CDH12: variants seen among roughly 807,000 people sequenced by gnomAD.
CDH12 encodes the protein cadherin 12, also known as cadherin-12.
Under a neutral mutation model 74.1 loss-of-function variants are expected in CDH12, and 41 were observed. That is an observed-to-expected ratio of 0.55 (90% CI 0.43 to 0.72). The LOEUF (loss-of-function observed/expected upper bound fraction) is 0.72. CDH12 is among the 30% of genes least tolerant of loss of function. The pLI is 0.00. For synonymous variants in CDH12, 399 were observed against 355.0 expected (o/e 1.12, Z -1.39); for missense variants, 945 against 977.2 (o/e 0.97, Z 0.44).
intron 11 of CDH12, among the ~76,000 whole-genome samples, chr5:21,773,612 T>C (rs193248628): frequency 2.6e-5 from 4 of 152,302 alleles, no homozygotes; most frequent in Non-Finnish European, 2.9e-5. Flanking sequence ...GTGTTGAGAC[T>C]TGCACTGGCT....
chr5:22,668,891 CTCTT>C (rs1302823188), intron 1 of CDH12, among the ~76,000 whole-genome samples: 5 of 151,996 alleles, frequency 3.3e-5, no homozygotes, highest in Admixed American at 2.0e-4. Context: ...CAACTCCTCT[CTCTT>C]TATCTCTCTT....
At chr5:22,361,719 T>C (rs1399906378) in intron 3 of CDH12, among the ~76,000 whole-genome samples, 2 of 152,126 alleles carry the variant, frequency 1.3e-5, no homozygotes, top group Non-Finnish European at 2.9e-5. Context: ...ATGGTACTGG[T>C]ATGAAAACAG....
intron 6 of CDH12, among the ~76,000 whole-genome samples, chr5:21,970,926 A>G (rs1399317439): frequency 6.6e-6 from 1 of 150,662 alleles, no homozygotes; most frequent in Admixed American, 6.6e-5. Flanking sequence ...CTCCACCAAA[A>G]ATTTCATCTT....
At chr5:22,494,234 G>T (rs1747009644) in intron 2 of CDH12, among the ~76,000 whole-genome samples, 1 of 152,162 alleles carries the variant, frequency 6.6e-6, no homozygotes, top group African/African-American at 2.4e-5. Flanking sequence ...GATTGGCGTG[G>T]GTTTTCCCCA....
At chr5:22,011,788 T>A (rs1737310416) in intron 5 of CDH12, among the ~76,000 whole-genome samples, 1 of 152,188 alleles carries the variant, frequency 6.6e-6, no homozygotes, top group Admixed American at 6.5e-5. Flanking sequence ...CAAAAAAGAT[T>A]AATATTCTAT....
chr5:22,123,164 T>C (rs1041229457), intron 4 of CDH12, among the ~76,000 whole-genome samples: 1 of 152,138 alleles, frequency 6.6e-6, no homozygotes, highest in Non-Finnish European at 1.5e-5. Context: ...TATAGGTCAA[T>C]GAATAGGATA....
intron 2 of CDH12, among the ~76,000 whole-genome samples, chr5:22,495,690 C>CA (rs1268793425): frequency 2.0e-5 from 3 of 151,954 alleles, no homozygotes; most frequent in Non-Finnish European, 4.4e-5. Context: ...ATTCACAGCG[C>CA]AAAAAACAAA....
Position 21,966,376 on chromosome 5 carries a change from G to A in CDH12, c.526+8715C>T, listed in dbSNP as rs367830033. 4.0e-5 allele frequency among the ~76,000 whole-genome samples: 6 copies of A among 151,824 alleles called. No individual in the cohort carries two copies. The East Asian group carries it at 7.8e-4, about 20-fold the overall frequency. ...TCTCTGTTGCCAGCTCTTCCATTGT[G>A]GTGTGAAAGCAGCCATAGACAACAC... On this transcript the variant is annotated intron_variant, in intron 6 of 14. Transcript: ENST00000382254.
chr5:22,563,041 T>C (rs1371165519), intron 1 of CDH12, among the ~76,000 whole-genome samples: 1 of 147,576 alleles, frequency 6.8e-6, no homozygotes, highest in Non-Finnish European at 1.5e-5. Flanking sequence ...TAAATTTATA[T>C]ATTGATATAT....
chr5:21,988,873 T>C (rs1365592962), intron 5 of CDH12, among the ~76,000 whole-genome samples: 2 of 152,074 alleles, frequency 1.3e-5, no homozygotes, highest in Non-Finnish European at 2.9e-5. Context: ...GCTTCATGCT[T>C]GGGTTAATAT....
At chr5:21,992,525 T>TA (rs1757795859) in intron 5 of CDH12, among the ~76,000 whole-genome samples, 1 of 152,076 alleles carries the variant, frequency 6.6e-6, no homozygotes, top group African/African-American at 2.4e-5. Context: ...AAGGTTCTCC[T>TA]AATGATTCTT....
intron 1 of CDH12, among the ~76,000 whole-genome samples, chr5:22,533,129 T>C (rs1737668621): frequency 6.6e-6 from 1 of 152,134 alleles, no homozygotes; most frequent in African/African-American, 2.4e-5. Flanking sequence ...ATTGGCTGTT[T>C]TTCTCCTGTA....
At chr5:22,535,303 C>A (rs1016748599) in intron 1 of CDH12, among the ~76,000 whole-genome samples, 1 of 151,760 alleles carries the variant, frequency 6.6e-6, no homozygotes, top group East Asian at 1.9e-4. Context: ...TACAGGCGCC[C>A]GCTACCACGC....
rs183195705 is a variant in CDH12, at chr5:22,526,945, G to T, written c.-522-21581C>A. On this transcript the variant is annotated intron_variant, in intron 1 of 14. Transcript: ENST00000382254. ...TCCCACCTGGGGAAATTATCTCATG[G>T]TGGGTTCAGAGACCTGCAGTTCCTA... Among the ~76,000 whole-genome samples, 134 of 152,206 alleles carry T rather than the reference G, an allele frequency of 8.8e-4. No homozygotes were observed. The South Asian group carries it at 0.01, about 12-fold the overall frequency.
chr5:22,828,737 C>T (rs1381225328), intron 1 of CDH12, among the ~76,000 whole-genome samples: 1 of 152,112 alleles, frequency 6.6e-6, no homozygotes, highest in Non-Finnish European at 1.5e-5. Context: ...TCAATGGCTT[C>T]TCCAAGTACA....
intron 1 of CDH12, among the ~76,000 whole-genome samples, chr5:22,793,251 T>A (rs1451707467): frequency 6.6e-6 from 1 of 152,234 alleles, no homozygotes; most frequent in Non-Finnish European, 1.5e-5. Flanking sequence ...GTCAAAACCT[T>A]ACATTTATCA....
At chr5:21,844,936 C>A (rs1320661374) in intron 7 of CDH12, among the ~76,000 whole-genome samples, 5 of 152,054 alleles carry the variant, frequency 3.3e-5, no homozygotes, top group African/African-American at 4.8e-5. Flanking sequence ...AAACTCTTTT[C>A]AAATGTCCTG....
At chr5:22,012,390 T>C (rs1405089442) in intron 5 of CDH12, among the ~76,000 whole-genome samples, 13 of 152,146 alleles carry the variant, frequency 8.5e-5, no homozygotes, top group Non-Finnish European at 1.5e-4. Context: ...AGAAAAATGA[T>C]AAGTTAATAT....
intron 1 of CDH12, among the ~76,000 whole-genome samples, chr5:22,835,320 A>G (rs924118131): frequency 6.6e-6 from 1 of 152,164 alleles, no homozygotes; most frequent in African/African-American, 2.4e-5. Context: ...CATTATTGAA[A>G]GATTTGTAAA....
Sources: gnomAD v4.1 joint callset for allele counts (sites outside exome capture counted in the v4.1 genomes callset) on GRCh38, gnomAD v4.1.1 for gene constraint, MANE v1.5 for transcripts, NCBI Gene and HGNC (gene_info 2026-07-23, HGNC 2026-07-21) for gene names.